OPA1: variants seen among roughly 807,000 people sequenced by gnomAD.
OPA1 encodes dynamin-like GTPase OPA1, mitochondrial.
In OPA1, 59 loss-of-function variants were observed where a neutral mutation model predicts 152.9. That is an observed-to-expected ratio of 0.39 (90% CI 0.31 to 0.48). OPA1 has a LOEUF of 0.48. Among genes scored for constraint, OPA1 ranks in the 20% least tolerant of loss-of-function variants. The pLI, the probability that OPA1 is intolerant of heterozygous loss-of-function variation, is 0.96. For synonymous variants in OPA1, 400 were observed against 389.9 expected, an observed-to-expected ratio of 1.03 and a Z score of -0.31; for missense variants, 1,008 against 1,216.8, an observed-to-expected ratio of 0.83 and a Z score of 2.55.
At chr3:193,659,036 G>A in intron 24 of OPA1, 41 bp downstream of exon 24, 2 of 1,322,748 alleles carry the variant, frequency 1.5e-6, no homozygotes, top group Non-Finnish European at 2.2e-6. Context: ...AGTTCACAGT[G>A]GTGAAGGAGT....
At chr3:193,594,700 T>A (rs908454841) in intron 1 of OPA1, among the ~76,000 whole-genome samples, 3 of 152,174 alleles carry the variant, frequency 2.0e-5, no homozygotes, top group African/African-American at 7.2e-5. Flanking sequence ...ATTTGTTTTA[T>A]ATAGGTTAAC....
At chr3:193,628,745 T>TTG (rs1359728707) in intron 7 of OPA1, 1 of 152,226 alleles carries the variant, frequency 6.6e-6, no homozygotes, top group Non-Finnish European at 1.5e-5. Context: ...AATTGCTAGT[T>TTG]AAGACCTAGA....
At chr3:193,623,015 G>A (rs1261900506) in intron 6 of OPA1, among the ~76,000 whole-genome samples, 1 of 152,192 alleles carries the variant, frequency 6.6e-6, no homozygotes, top group Non-Finnish European at 1.5e-5. Context: ...ATTAAGCAGA[G>A]TTGCTTAAGT....
At chr3:193,652,896 G>A (rs1026193990) in intron 21 of OPA1, among the ~76,000 whole-genome samples, 2 of 152,066 alleles carry the variant, frequency 1.3e-5, no homozygotes, top group African/African-American at 2.4e-5. Context: ...TTAGCTTCTC[G>A]GGATTTGGTA....
chr3:193,664,581 G>A (rs9869814), intron 26 of OPA1, among the ~76,000 whole-genome samples: 75,363 of 151,536 alleles, frequency 0.5, 19,133 homozygotes, highest in African/African-American at 0.57. Context: ...CTAGGGGAAG[G>A]TAATACCTAC....
At chr3:193,664,742 A>G (rs1716125730) in intron 26 of OPA1, 138 bp from the exon 27 acceptor site, 1 of 614,768 alleles carries the variant, frequency 1.6e-6, no homozygotes, top group African/African-American at 1.9e-5. Context: ...AAAAATTTGA[A>G]TAACTATGTA....
At chr3:193,599,944 G>A (rs111650583) in intron 1 of OPA1, among the ~76,000 whole-genome samples, 4,756 of 152,272 alleles carry the variant, frequency 0.031, 69 homozygotes, top group African/African-American at 0.039. Context: ...ACAGCTCGGC[G>A]TTTGCCTTAT....
At chr3:193,617,925 T>C (rs1444832582) in intron 5 of OPA1, 88 bp downstream of exon 5, 6 of 875,970 alleles carry the variant, frequency 6.8e-6, no homozygotes, top group Non-Finnish European at 1.2e-5. Context: ...AGACCAAATT[T>C]ATAATGCTGC....
chr3:193,660,959 A>G (rs186787125), intron 25 of OPA1, among the ~76,000 whole-genome samples: 4 of 152,340 alleles, frequency 2.6e-5, no homozygotes, highest in Admixed American at 2.6e-4. Context: ...CAAAAGAAAA[A>G]TGGTATCTGG....
chr3:193,657,001 T>C, intron 22 of OPA1, 79 bp from the exon 23 acceptor site: 1 of 1,268,696 alleles, frequency 7.9e-7, no homozygotes, highest in East Asian at 2.3e-5. Flanking sequence ...TCTGTTTGGC[T>C]TGAGCTCGTG....
rs1734780868 is a variant in OPA1 at position 193,647,122 on chromosome 3, A to T, written c.1812A>T (p.Ser604=). The change falls in exon 19 of 31, where the codon TCA becomes TCT. Residue 604 remains serine, a synonymous_variant. Coordinates refer to ENST00000361510, the MANE Select transcript of OPA1 (RefSeq NM_130837.3). ...VTTRNLSLAV[S]DCFWKMVRES... ...CAAGAAATTTAAGCCTTGCAGTATCAGACTGCTTTTGGAAAATGGTACGAG... is the reference window on the plus strand; with the variant it reads ...CAAGAAATTTAAGCCTTGCAGTATCTGACTGCTTTTGGAAAATGGTACGAG... The T allele has an allele frequency of 6.2e-7, 1 of 1,613,542 alleles. No individual in the cohort carries two copies. The highest frequency in any genetic ancestry group is 1.3e-5 in the African/African-American group (1 of 74,926).
At chr3:193,623,923 T>C (rs974267407) in intron 6 of OPA1, among the ~76,000 whole-genome samples, 4 of 152,144 alleles carry the variant, frequency 2.6e-5, no homozygotes, top group Admixed American at 2.0e-4. Context: ...GTAAATAGCT[T>C]TTCTATGTCT....
chr3:193,630,040 A>C (rs1283362247), intron 7 of OPA1, among the ~76,000 whole-genome samples: 1 of 152,238 alleles, frequency 6.6e-6, no homozygotes, highest in Non-Finnish European at 1.5e-5. Context: ...TCCACATAAC[A>C]ATTTTTTATG....
chr3:193,632,224 G>A (rs545158073), intron 8 of OPA1, among the ~76,000 whole-genome samples: 168 of 152,368 alleles, frequency 1.1e-3, no homozygotes, highest in African/African-American at 3.8e-3. Context: ...GCTCACGCCT[G>A]TAATCCCAAC....
chr3:193,647,277 G>C, intron 19 of OPA1, 97 bp downstream of exon 19: 6 of 768,918 alleles, frequency 7.8e-6, no homozygotes. Flanking sequence ...TCCTTTAACA[G>C]TTGCTTGGTA....
At chr3:193,642,674 T>G in intron 11 of OPA1, 91 bp from the exon 12 acceptor site, 1 of 943,186 alleles carries the variant, frequency 1.1e-6, no homozygotes, top group Non-Finnish European at 1.7e-6. Context: ...ATTTGTGCAA[T>G]GCAGTAGCCC....
chr3:193,691,592 T>C (rs903374216), intron 29 of OPA1: 1 of 153,536 alleles, frequency 6.5e-6, no homozygotes, highest in East Asian at 1.9e-4. Flanking sequence ...TGATTGATCT[T>C]TTCCTTTGTA....
In OPA1 at chr3:193,618,902, A is replaced by G; in HGVS notation, c.644A>G (p.Asp215Gly). ...SPEETAFRAT[D>G]RGSESDKHFR... is the part of the protein sequence containing the mutation. The stretch of plus-strand genomic sequence containing the variant: ...GAAGAAACGGCGTTTAGAGCAACAG[A>G]TCGTGGATCTGAAAGTGACAAGCAT... Residue 215 changes from aspartate to glycine, a missense_variant, in exon 6 of 31, where the codon GAT becomes GGT. By Grantham distance (94) the Asp-to-Gly change is moderately conservative (BLOSUM62 -1). This residue lies in a region of OPA1 where 408 missense variants were observed against 395.1 expected (regional missense o/e 1.03). Coordinates refer to ENST00000361510, the MANE Select transcript of OPA1 (RefSeq NM_130837.3). The G allele has an allele frequency of 1.2e-6, 2 of 1,613,976 alleles. No homozygotes were observed. Among genetic ancestry groups the G allele is most frequent in the Non-Finnish European group, 1.7e-6 (2 of 1,179,846 alleles).
intron 29 of OPA1, among the ~76,000 whole-genome samples, chr3:193,684,263 G>A (rs907179634): frequency 6.6e-6 from 1 of 152,056 alleles, no homozygotes; most frequent in Non-Finnish European, 1.5e-5. Context: ...ACAGCTATTT[G>A]GTTTGGCTTA....
Sources: allele counts gnomAD v4.1 joint callset (sites outside exome capture counted in the v4.1 genomes callset), GRCh38; gene constraint gnomAD v4.1.1; regional missense constraint gnomAD v4.1.1; transcripts MANE v1.5; gene names NCBI Gene and HGNC (gene_info 2026-07-23, HGNC 2026-07-21).